Variants in PCDH15 observed in about 807,000 individuals in gnomAD.
PCDH15 encodes the protein protocadherin-15.
Under a neutral mutation model 178.5 loss-of-function variants are expected in PCDH15, and 129 were observed. The ratio of observed to expected loss-of-function variants is 0.72; its 90% CI spans 0.63 to 0.84. The LOEUF (loss-of-function observed/expected upper bound fraction) is 0.84. Ranked by LOEUF, PCDH15 falls within the 40% of genes least tolerant of loss-of-function variation. The pLI is 0.00. For synonymous variants in PCDH15, 800 were observed against 732.0 expected (o/e 1.09, Z -1.50); for missense variants, 2,230 against 2,099.9 (o/e 1.06, Z -1.21).
intron 2 of PCDH15, among the ~76,000 whole-genome samples, chr10:55,124,262 T>C (rs1433964493): frequency 6.6e-6 from 1 of 152,148 alleles, no homozygotes; most frequent in Non-Finnish European, 1.5e-5. Flanking sequence ...CAGAATTACA[T>C]AGTGTATCTC....
At position 55,268,827 on chromosome 10, in the gene PCDH15, A is replaced by G. The variant is rs536350578; in HGVS notation, c.-156+50772T>C. On this transcript the variant is annotated intron_variant, in intron 1 of 5. Transcript: ENST00000458638. ...GAAGTGAAAAATTTTAATAGTGACT[A>G]GATATCAAGATCTCATTTTTTCTTA... 7.7e-4 allele frequency among the ~76,000 whole-genome samples: 117 copies of G among 152,270 alleles called. 1 individual carries two copies. In the South Asian group the frequency reaches 0.023, roughly 30 times the overall value.
intron 25 of PCDH15, among the ~76,000 whole-genome samples, chr10:53,916,047 A>C (rs1589404487): frequency 6.6e-6 from 1 of 152,316 alleles, no homozygotes; most frequent in East Asian, 1.9e-4. Flanking sequence ...ACATATACAC[A>C]TCTTCCCATA....
intron 1 of PCDH15, among the ~76,000 whole-genome samples, chr10:55,249,834 C>T (rs954714798): frequency 6.6e-6 from 1 of 151,614 alleles, no homozygotes; most frequent in African/African-American, 2.4e-5. Context: ...TTTATTATGT[C>T]ATGTTTTTTC....
chr10:55,065,764 G>C (rs904384765), intron 2 of PCDH15, among the ~76,000 whole-genome samples: 5 of 151,990 alleles, frequency 3.3e-5, no homozygotes, highest in African/African-American at 1.2e-4. Flanking sequence ...TTTATTTATA[G>C]TCTATGCTGT....
chr10:55,407,877 C>T (rs184357850), intron 2 of PCDH15, among the ~76,000 whole-genome samples: 65 of 152,236 alleles, frequency 4.3e-4, no homozygotes, highest in African/African-American at 1.6e-3. Context: ...TCAACAAGGC[C>T]TTTTGACCAA....
At chr10:55,487,846 T>A (rs190144282) in intron 2 of PCDH15, among the ~76,000 whole-genome samples, 1 of 151,738 alleles carries the variant, frequency 6.6e-6, no homozygotes, top group African/African-American at 2.4e-5. Flanking sequence ...TAATTTTAAT[T>A]ATGACACTTG....
chr10:55,467,607 T>C (rs1348265775), intron 2 of PCDH15, among the ~76,000 whole-genome samples: 1 of 152,108 alleles, frequency 6.6e-6, no homozygotes, highest in Non-Finnish European at 1.5e-5. Flanking sequence ...CAGGATATTT[T>C]AAACTCCAAT....
chr10:55,158,078 G>GTATATA (rs1176916491), intron 2 of PCDH15, among the ~76,000 whole-genome samples: 65 of 117,174 alleles, frequency 5.5e-4, no homozygotes, highest in African/African-American at 2.1e-3. Context: ...GTATGTGTGT[G>GTATATA]TATATATATA....
rs188893924 is a variant in PCDH15 at position 54,287,612 on chromosome 10, T to C, written c.876+29659A>G. On this transcript the variant is annotated intron_variant, in intron 8 of 37. Transcript: ENST00000644397. ...TTAAAACAAAATTTATTTTTGCCTA[T>C]TTTTTTCGTTCTAAGGCTCTTTATG... 1.5e-3 allele frequency among the ~76,000 whole-genome samples: 228 copies of C among 152,228 alleles called. 6 individuals are homozygous for C. The highest frequency in any genetic ancestry group is 2.1e-4 in the Non-Finnish European group (14 of 68,004).
intron 2 of PCDH15, among the ~76,000 whole-genome samples, chr10:54,990,897 A>T (rs761016730): frequency 2.6e-5 from 4 of 152,180 alleles, no homozygotes; most frequent in Non-Finnish European, 4.4e-5. Context: ...ACAAAAGAAC[A>T]TTAACTAGTT....
intron 3 of PCDH15, among the ~76,000 whole-genome samples, chr10:54,438,761 T>A (rs548332444): frequency 1.3e-5 from 2 of 152,248 alleles, no homozygotes; most frequent in Admixed American, 1.3e-4. Context: ...CATTCTTTCC[T>A]TCTTGAAATT....
rs200668232 is a variant in PCDH15 at position 55,597,761 on chromosome 10, A to T, written c.-156+29864T>A. Among the ~76,000 whole-genome samples the T allele has an allele frequency of 2.0e-5, 3 of 152,246 alleles. No homozygotes were observed. The East Asian group carries it at 5.8e-4, about 29-fold the overall frequency. On this transcript the variant is annotated intron_variant, in intron 2 of 5. Coordinates refer to the PCDH15 transcript ENST00000613346. ...CCACTTCAGATTTATACCCAACAAG[A>T]TTCTACCCTGACATCCCCCTAGTAT...
chr10:55,023,743 A>G (rs1164152730), intron 2 of PCDH15, among the ~76,000 whole-genome samples: 1 of 108,778 alleles, frequency 9.2e-6, no homozygotes, highest in Non-Finnish European at 2.1e-5. Context: ...CAGTGTCTCA[A>G]ATATCCTATA....
At chr10:54,838,473 C>T (rs1418974600) in intron 3 of PCDH15, among the ~76,000 whole-genome samples, 4 of 152,072 alleles carry the variant, frequency 2.6e-5, no homozygotes, top group Non-Finnish European at 4.4e-5. Context: ...TGAAGCCTCC[C>T]CAGCAATGGA....
chr10:55,309,159 A>C (rs1843511577), intron 1 of PCDH15, among the ~76,000 whole-genome samples: 1 of 152,146 alleles, frequency 6.6e-6, no homozygotes, highest in Non-Finnish European at 1.5e-5. Flanking sequence ...TTAGCTATTT[A>C]TTTGCAAATT....
intron 2 of PCDH15, among the ~76,000 whole-genome samples, chr10:54,563,202 A>G (rs1455433185): frequency 6.6e-6 from 1 of 152,196 alleles, no homozygotes; most frequent in Non-Finnish European, 1.5e-5. Context: ...AAAAATAAAT[A>G]CGTCTATATT....
chr10:53,883,181 A>G (rs1031309602), intron 26 of PCDH15, among the ~76,000 whole-genome samples: 1 of 152,028 alleles, frequency 6.6e-6, no homozygotes, highest in Non-Finnish European at 1.5e-5. Context: ...ACACATACAT[A>G]TGTGTGTGTA....
intron 23 of PCDH15, among the ~76,000 whole-genome samples, chr10:53,948,555 A>G (rs932016516): frequency 1.3e-5 from 2 of 152,204 alleles, no homozygotes; most frequent in African/African-American, 4.8e-5. Flanking sequence ...GATTAAGTAA[A>G]TGGCACAGCT....
intron 2 of PCDH15, among the ~76,000 whole-genome samples, chr10:55,433,735 T>C (rs1241789093): frequency 6.6e-6 from 1 of 152,180 alleles, no homozygotes; most frequent in Non-Finnish European, 1.5e-5. Context: ...TAATTGCATT[T>C]CCCTAAACGT....
Sources: allele counts gnomAD v4.1 joint callset (sites outside exome capture counted in the v4.1 genomes callset), GRCh38; gene constraint gnomAD v4.1.1; transcripts MANE v1.5; gene names NCBI Gene and HGNC (gene_info 2026-07-23, HGNC 2026-07-21).